CYTH1: variants seen among roughly 807,000 people sequenced by gnomAD.
CYTH1 encodes the protein cytohesin 1, also known as cytohesin-1.
In CYTH1, 18 loss-of-function variants were observed where a neutral mutation model predicts 61.8. The observed-to-expected ratio is 0.29, with a 90% confidence interval of 0.20 to 0.43. The LOEUF is 0.43. CYTH1 is among the 20% of genes least tolerant of loss of function. CYTH1 has a pLI of 1.00. For missense variants in CYTH1, 336 were observed against 510.5 expected (o/e 0.66, Z 3.29); for synonymous variants, 174 against 184.3 (o/e 0.94, Z 0.45).
At chr17:78,697,327 A>G (rs75326180) in intron 9 of CYTH1, among the ~76,000 whole-genome samples, 3 of 146,212 alleles carry the variant, frequency 2.1e-5, no homozygotes, top group African/African-American at 7.6e-5. Context: ...CTAGTGTCCA[A>G]AAAAAAAAAA....
intron 1 of CYTH1, among the ~76,000 whole-genome samples, chr17:78,753,121 A>C (rs2093386842): frequency 6.6e-6 from 1 of 152,314 alleles, no homozygotes; most frequent in Non-Finnish European, 1.5e-5. Context: ...GAGGACAATC[A>C]GAGGCAAGCC....
chr17:78,711,009 T>C (rs989030175), intron 1 of CYTH1, among the ~76,000 whole-genome samples: 18 of 152,010 alleles, frequency 1.2e-4, no homozygotes, highest in African/African-American at 3.9e-4. Flanking sequence ...ATGCCTGTAA[T>C]CCCAGCACTT....
chr17:78,690,359 A>C (rs1275314069), intron 11 of CYTH1, among the ~76,000 whole-genome samples: 5 of 131,674 alleles, frequency 3.8e-5, no homozygotes, highest in Non-Finnish European at 7.8e-5. Flanking sequence ...GTGCCACTGC[A>C]CTCCAGCCTG....
chr17:78,749,660 A>T (rs1567874016), intron 1 of CYTH1, among the ~76,000 whole-genome samples: 1 of 151,866 alleles, frequency 6.6e-6, no homozygotes, highest in Non-Finnish European at 1.5e-5. Flanking sequence ...ATAAAAATAA[A>T]AAAATAAAAA....
chr17:78,727,523 G>C (rs769377344), intron 1 of CYTH1: 6 of 338,348 alleles, frequency 1.8e-5, no homozygotes, highest in Admixed American at 7.5e-5. Context: ...CCCTGTTCCA[G>C]ACATCACCCT....
chr17:78,767,668 C>T (rs1368421396), intron 1 of CYTH1, among the ~76,000 whole-genome samples: 4 of 151,708 alleles, frequency 2.6e-5, no homozygotes, highest in Non-Finnish European at 5.9e-5. Flanking sequence ...GAAAAAGAAT[C>T]CAGTGTTTTT....
intron 1 of CYTH1, among the ~76,000 whole-genome samples, chr17:78,713,756 A>G (rs2093157133): frequency 6.7e-6 from 1 of 149,680 alleles, no homozygotes; most frequent in African/African-American, 2.5e-5. Flanking sequence ...TGAAAAACAG[A>G]GCAATCGTAT....
chr17:78,737,256 TA>T (rs1830457368), intron 1 of CYTH1, among the ~76,000 whole-genome samples: 1 of 152,232 alleles, frequency 6.6e-6, no homozygotes, highest in South Asian at 2.1e-4. Context: ...TCATATACTT[TA>T]AATCATCTCT....
At chr17:78,762,796 G>T (rs909417945) in intron 1 of CYTH1, among the ~76,000 whole-genome samples, 4 of 152,160 alleles carry the variant, frequency 2.6e-5, no homozygotes, top group African/African-American at 9.7e-5. Flanking sequence ...GAGCCAAGGA[G>T]TGTGGGCAGC....
chr17:78,760,456 CATACAT>C (rs1440051678), intron 1 of CYTH1, among the ~76,000 whole-genome samples: 2 of 29,426 alleles, frequency 6.8e-5, no homozygotes, highest in Non-Finnish European at 6.3e-5. Flanking sequence ...TATATATATA[CATACAT>C]ATATATATGT....
In CYTH1 at chr17:78,675,369, C is replaced by G. The variant is rs1463937572; in HGVS notation, c.*722G>C. 1 of 152,364 alleles carries G rather than the reference C, an allele frequency of 6.6e-6. No homozygotes were observed. Among genetic ancestry groups the G allele is most frequent in the African/African-American group, 2.4e-5 (1 of 41,470 alleles). 9.4% of individuals were successfully genotyped at this position (152,364 alleles called of 1,614,324 possible). On this transcript the variant is annotated 3_prime_UTR_variant, in exon 14 of 14. Coordinates refer to ENST00000446868, the MANE Select transcript of CYTH1 (RefSeq NM_004762.6). ...CTGCACGCTGCTGCCGACTGCGACC[C>G]CGGCCAGGGCAGGCCCCCGACTCTG...
At chr17:78,728,097 A>G (rs1020489033) in intron 1 of CYTH1, 13 of 157,096 alleles carry the variant, frequency 8.3e-5, no homozygotes, top group African/African-American at 3.1e-4. Context: ...TCTACCCCAA[A>G]CACTGGTAAA....
chr17:78,764,905 T>C (rs1280656427), intron 1 of CYTH1, among the ~76,000 whole-genome samples: 1 of 151,902 alleles, frequency 6.6e-6, no homozygotes, highest in Non-Finnish European at 1.5e-5. Context: ...GTAATAAACA[T>C]AATGAGTAGG....
chr17:78,711,599 A>G (rs1182621309), intron 1 of CYTH1, among the ~76,000 whole-genome samples: 1 of 152,116 alleles, frequency 6.6e-6, no homozygotes, highest in Non-Finnish European at 1.5e-5. Context: ...TTCACAGAGC[A>G]GTTACTTTCC....
At chr17:78,691,350 T>C (rs147515951) in intron 11 of CYTH1, 4 of 152,324 alleles carry the variant, frequency 2.6e-5, no homozygotes, top group African/African-American at 9.6e-5. Context: ...CAACGCTAAG[T>C]GTTAGACACG....
chr17:78,774,045 T>C lies in CYTH1; in HGVS notation c.22+8157A>G, dbSNP rs139023743. ...CCATTTTGTAACCACCAAATTCAGT[T>C]TGTTTGCTTGTTTGTTTTAAAAAAA... On this transcript the variant is annotated intron_variant, in intron 1 of 13. Coordinates refer to ENST00000446868, the MANE Select transcript of CYTH1 (RefSeq NM_004762.6). 3.0e-3 allele frequency among the ~76,000 whole-genome samples: 449 copies of C among 151,826 alleles called. 3 individuals carry two copies. The highest frequency in any genetic ancestry group is 9.9e-3 in the African/African-American group (407 of 41,136).
At chr17:78,696,342 A>G (rs1037092172) in intron 9 of CYTH1, among the ~76,000 whole-genome samples, 1 of 152,270 alleles carries the variant, frequency 6.6e-6, no homozygotes. Context: ...CCAGAATCAG[A>G]GCAAAGAAAG....
At chr17:78,771,789 A>C (rs983196878) in intron 1 of CYTH1, among the ~76,000 whole-genome samples, 2 of 152,052 alleles carry the variant, frequency 1.3e-5, no homozygotes, top group Non-Finnish European at 2.9e-5. Flanking sequence ...TTGGATAAGG[A>C]AGGTATTATC....
intron 1 of CYTH1, among the ~76,000 whole-genome samples, chr17:78,755,986 T>TGAG (rs1436199177): frequency 2.0e-5 from 3 of 151,712 alleles, no homozygotes; most frequent in Non-Finnish European, 4.4e-5. Flanking sequence ...CAAGAAAATA[T>TGAG]TGTGCTTTAT....
Sources: gnomAD v4.1 joint callset for allele counts (sites outside exome capture counted in the v4.1 genomes callset) on GRCh38, gnomAD v4.1.1 for gene constraint, MANE v1.5 for transcripts, NCBI Gene and HGNC (gene_info 2026-07-23, HGNC 2026-07-21) for gene names.